CWF19L1: variants seen among roughly 807,000 people sequenced by gnomAD.
The protein encoded by CWF19L1 is CWF19 like cell cycle control factor 1.
CWF19L1 carries 60 observed loss-of-function variants against 69.7 expected under a neutral mutation model. The observed-to-expected ratio is 0.86, with a 90% CI of 0.70 to 1.07. The LOEUF (loss-of-function observed/expected upper bound fraction) is 1.07, where lower values mean the gene tolerates loss of function less well. CWF19L1 is among the 50% of genes least tolerant of loss of function. CWF19L1 has a pLI of 0.00. For synonymous variants in CWF19L1, 209 were observed against 222.2 expected, an observed-to-expected ratio of 0.94 and a Z score of 0.53; for missense variants, 591 against 638.9, an observed-to-expected ratio of 0.92 and a Z score of 0.81.
chr10:100,262,232 C>A (rs552812163), intron 1 of CWF19L1, 169 bp from the exon 2 acceptor site: 2 of 985,414 alleles, frequency 2.0e-6, no homozygotes, highest in African/African-American at 3.5e-5. Context: ...GAGGGTCTCA[C>A]CAACACCTCC....
At chr10:100,236,055 A>T (rs962564093) in intron 12 of CWF19L1, among the ~76,000 whole-genome samples, 4 of 151,394 alleles carry the variant, frequency 2.6e-5, no homozygotes, top group Non-Finnish European at 4.4e-5. Context: ...GTTCATCTCC[A>T]GTCTAGTCAA....
At chr10:100,239,817 T>C (rs995105617) in intron 10 of CWF19L1, among the ~76,000 whole-genome samples, 1 of 152,216 alleles carries the variant, frequency 6.6e-6, no homozygotes, top group African/African-American at 2.4e-5. Context: ...GGACTGAGCA[T>C]ATTGACAAAG....
At chr10:100,254,044 C>T (rs1160197041) in intron 5 of CWF19L1, 3 of 152,262 alleles carry the variant, frequency 2.0e-5, no homozygotes. Context: ...CCACACCTGG[C>T]TAATTTTTGT....
chr10:100,248,758 G>A (rs896431214), intron 7 of CWF19L1: 15 of 1,348,546 alleles, frequency 1.1e-5, no homozygotes, highest in Admixed American at 6.8e-5. Flanking sequence ...CCTGGATGAC[G>A]TGTCCTTGAC....
At position 100,256,891 on chromosome 10, in the gene CWF19L1, G is replaced by T. The variant is rs148404981; in HGVS notation, c.290-415C>A. Among the ~76,000 whole-genome samples, 442 of 152,328 alleles carry T rather than the reference G, an allele frequency of 2.9e-3. 4 individuals carry two copies. The highest frequency in any genetic ancestry group is 0.01 in the African/African-American group (432 of 41,582). ...TCTAAGGAAGCTACAGTCTAGAAAA[G>T]ATGCACATAGTGAAACCCCATCCCT... On this transcript the variant is annotated intron_variant, in intron 4 of 13. Coordinates refer to ENST00000354105, the MANE Select transcript of CWF19L1 (RefSeq NM_018294.6).
At chr10:100,259,109 G>A (rs930033119) in intron 4 of CWF19L1, among the ~76,000 whole-genome samples, 2 of 151,586 alleles carry the variant, frequency 1.3e-5, no homozygotes, top group African/African-American at 4.8e-5. Flanking sequence ...GCTGAGGCAG[G>A]AGAATCACTT....
intron 10 of CWF19L1, among the ~76,000 whole-genome samples, 156 bp from the exon 11 acceptor site, chr10:100,238,387 T>C (rs1405376570): frequency 2.0e-5 from 3 of 152,218 alleles, no homozygotes; most frequent in Admixed American, 2.0e-4. Flanking sequence ...TTTTAGAGAT[T>C]GTAGCAACAA....
At chr10:100,247,665 C>T (rs1224817615) in intron 7 of CWF19L1, among the ~76,000 whole-genome samples, 1 of 152,246 alleles carries the variant, frequency 6.6e-6, no homozygotes, top group East Asian at 1.9e-4. Flanking sequence ...GAGGCTGAGG[C>T]GGGCGAATCA....
chr10:100,238,081 G>C lies in CWF19L1; in HGVS notation c.1195C>G (p.Arg399Gly), dbSNP rs953496420. ...KATLRRFFKSRGKWCVVFERN... is the reference protein window; with the variant it reads ...KATLRRFFKSGGKWCVVFERN... ...TCAAATACAACACACCATTTCCCTC[G>C]ACTCTTAAAGAACCGTCTCAGAGTG... is the stretch of plus-strand genomic sequence containing the variant. The change falls in exon 11 of 14, where the codon CGA becomes GGA. Residue 399 changes from arginine (R) to glycine (G), a missense_variant. By Grantham distance (125) the Arg-to-Gly change is moderately radical. Around this residue, in one of 3 missense-constraint regions of CWF19L1, gnomAD observed 458 missense variants for 489.3 expected, o/e 0.94. Transcript: ENST00000354105. The C allele has an allele frequency of 1.2e-6, 2 of 1,613,884 alleles. No homozygotes were observed. The highest frequency in any genetic ancestry group is 2.7e-5 in the African/African-American group (2 of 74,858).
Position 100,253,544 on chromosome 10 carries a change from T to G in CWF19L1, c.505-5A>C. 6.3e-7 allele frequency: 1 copy of G among 1,584,626 alleles called. No individual in the cohort carries two copies. Among genetic ancestry groups the G allele is most frequent in the Non-Finnish European group, 8.7e-7 (1 of 1,153,908 alleles). The stretch of plus-strand genomic sequence containing the variant: ...TTTTTTGGTATCCACTTCTCCCTAG[T>G]AAACAAAAACTTAGTCATCCATACA... On this transcript the variant is annotated splice_region_variant and splice_polypyrimidine_tract_variant and intron_variant, in intron 5 of 13. Transcript: ENST00000354105.
At chr10:100,262,989 G>A (rs1193284644) in intron 1 of CWF19L1, among the ~76,000 whole-genome samples, 1 of 151,612 alleles carries the variant, frequency 6.6e-6, no homozygotes, top group Non-Finnish European at 1.5e-5. Flanking sequence ...AAGTGCAGTG[G>A]CACGACCTTG....
intron 1 of CWF19L1, among the ~76,000 whole-genome samples, chr10:100,262,978 A>G (rs1006453082): frequency 2.0e-5 from 3 of 151,698 alleles, no homozygotes; most frequent in African/African-American, 7.3e-5. Context: ...CACCCAGGCT[A>G]AAGTGCAGTG....
chr10:100,235,612 C>T (rs1433601379), intron 13 of CWF19L1, 55 bp downstream of exon 13: 3 of 1,254,584 alleles, frequency 2.4e-6, no homozygotes, highest in South Asian at 1.2e-5. Flanking sequence ...ATGTAGCCCA[C>T]CACTCTGTTC....
chr10:100,241,477 T>A (rs2134283346), intron 10 of CWF19L1, among the ~76,000 whole-genome samples: 1 of 152,254 alleles, frequency 6.6e-6, no homozygotes, highest in African/African-American at 2.4e-5. Flanking sequence ...GTTGAAAGGA[T>A]CAACCCCAGA....
Position 100,252,096 on chromosome 10 carries a change from G to T in CWF19L1, c.623+1325C>A, listed in dbSNP as rs146466246. Among the ~76,000 whole-genome samples the T allele has an allele frequency of 1.2e-4, 19 of 152,322 alleles. No individual in the cohort carries two copies. The East Asian group carries it at 2.9e-3, about 23-fold the overall frequency. ...TTACTTTTGTAAAAAAGAAGGGAAA[G>T]AAGTTATTTTAGGGATAATCCATGC... On this transcript the variant is annotated intron_variant, in intron 6 of 13. Transcript: ENST00000354105.
intron 10 of CWF19L1, among the ~76,000 whole-genome samples, chr10:100,241,664 G>A (rs866791527): frequency 1.2e-4 from 18 of 152,372 alleles, no homozygotes; most frequent in Middle Eastern, 3.4e-3. Flanking sequence ...GGAAGTCGAA[G>A]TGCATAGCAC....
At chr10:100,262,982 T>G (rs1474554233) in intron 1 of CWF19L1, among the ~76,000 whole-genome samples, 2 of 151,992 alleles carry the variant, frequency 1.3e-5, no homozygotes, top group Admixed American at 1.3e-4. Flanking sequence ...CAGGCTAAAG[T>G]GCAGTGGCAC....
intron 1 of CWF19L1, among the ~76,000 whole-genome samples, chr10:100,264,576 C>T (rs1379854868): frequency 1.4e-5 from 2 of 147,738 alleles, no homozygotes; most frequent in Non-Finnish European, 3.0e-5. Flanking sequence ...GTATGGTATG[C>T]TCTTTACTGT....
At chr10:100,253,360 T>A in intron 6 of CWF19L1, 61 bp downstream of exon 6, 1 of 1,002,894 alleles carries the variant, frequency 1.0e-6, no homozygotes, top group Non-Finnish European at 1.6e-6. Context: ...ACAAGAGAAG[T>A]TTATACAGAA....
Sources: gnomAD v4.1 joint callset for allele counts (sites outside exome capture counted in the v4.1 genomes callset) on GRCh38, gnomAD v4.1.1 for gene constraint, gnomAD v4.1.1 regional missense constraint, MANE v1.5 for transcripts, NCBI Gene and HGNC (gene_info 2026-07-23, HGNC 2026-07-21) for gene names.